SNTG1: variants seen among roughly 807,000 people sequenced by gnomAD.
SNTG1 encodes the protein syntrophin gamma 1, also known as gamma-1-syntrophin.
SNTG1 carries 39 observed loss-of-function variants against 74.7 expected under a neutral mutation model. That is an observed-to-expected ratio of 0.52 (90% confidence interval 0.40 to 0.68). The LOEUF is 0.68. Ranked by LOEUF, SNTG1 falls within the 30% of genes least tolerant of loss-of-function variation. The probability of loss-of-function intolerance (pLI) is 0.00; values close to 1 mark genes in which losing one functional copy is unlikely to be tolerated. For missense variants in SNTG1, 685 were observed against 609.5 expected (o/e 1.12, Z -1.30); for synonymous variants, 254 against 217.1 (o/e 1.17, Z -1.49).
At chr8:50,718,635 C>A (rs897898019) in intron 17 of SNTG1, among the ~76,000 whole-genome samples, 4 of 152,222 alleles carry the variant, frequency 2.6e-5, no homozygotes, top group East Asian at 1.9e-4. Flanking sequence ...CTATTTTAGT[C>A]TCTGTATTGG....
chr8:50,402,871 T>C (rs1374687764), intron 4 of SNTG1, among the ~76,000 whole-genome samples: 1 of 152,164 alleles, frequency 6.6e-6, no homozygotes, highest in African/African-American at 2.4e-5. Flanking sequence ...AATTCTTTTC[T>C]CCAATGCTCC....
intron 12 of SNTG1, among the ~76,000 whole-genome samples, chr8:50,572,763 TGTC>T (rs1563594707): frequency 6.6e-6 from 1 of 152,160 alleles, no homozygotes; most frequent in East Asian, 1.9e-4. Flanking sequence ...CTTACACTAA[TGTC>T]GTTATTTGTC....
chr8:50,738,165 G>T lies in SNTG1; in HGVS notation c.1285-13836G>T, dbSNP rs528084359. On this transcript the variant is annotated intron_variant, in intron 17 of 18. Coordinates refer to ENST00000642720, the MANE Select transcript of SNTG1 (RefSeq NM_018967.5). ...GATTATATGTTTAGAAAACCCCATC[G>T]TCTCAGACCAATATCTCCTTAAGCT... 2.0e-5 allele frequency among the ~76,000 whole-genome samples: 3 copies of T among 152,150 alleles called. No homozygotes were observed. In the East Asian group the frequency reaches 5.8e-4, roughly 29 times the overall value.
At chr8:50,461,968 C>G (rs1358049170) in intron 8 of SNTG1, among the ~76,000 whole-genome samples, 1 of 152,036 alleles carries the variant, frequency 6.6e-6, no homozygotes, top group Admixed American at 6.6e-5. Context: ...TGTTCATATA[C>G]ACATAGAGGC....
intron 1 of SNTG1, among the ~76,000 whole-genome samples, chr8:50,162,210 T>C (rs1395817302): frequency 1.3e-5 from 2 of 152,036 alleles, no homozygotes; most frequent in Non-Finnish European, 2.9e-5. Flanking sequence ...AGGAAAATAG[T>C]GTCACAAAGC....
In SNTG1 at chr8:50,704,743, A is replaced by G. The variant is rs1181169395; in HGVS notation, c.1182A>G (p.Glu394=). 6.2e-7 allele frequency: 1 copy of G among 1,614,060 alleles called. No homozygotes were observed. Among genetic ancestry groups the G allele is most frequent in the Non-Finnish European group, 8.5e-7 (1 of 1,179,990 alleles). The change falls in exon 16 of 19, where the codon GAA becomes GAG. Residue 394 remains glutamate (E), a synonymous_variant. Transcript: ENST00000642720. ...AFQTATFLEV[E]RIQCKTYACV... is the part of the protein sequence containing the mutation. The stretch of plus-strand genomic sequence containing the variant: ...AGACAGCAACCTTTCTAGAAGTAGA[A>G]CGGATACAGGTGAGAGTCTGTGGGA...
chr8:50,078,044 T>A (rs1186830623), intron 1 of SNTG1, among the ~76,000 whole-genome samples: 1 of 152,168 alleles, frequency 6.6e-6, no homozygotes, highest in Admixed American at 6.6e-5. Context: ...TAAGGGACTT[T>A]CCCAATTTAA....
At chr8:50,779,835 G>T (rs2095653367) in intron 18 of SNTG1, among the ~76,000 whole-genome samples, 1 of 152,012 alleles carries the variant, frequency 6.6e-6, no homozygotes, top group Admixed American at 6.6e-5. Context: ...TATTGGCTGT[G>T]GGTTTGTCAC....
At chr8:50,590,802 A>G (rs549092318) in intron 12 of SNTG1, 77 bp from the exon 13 acceptor site, 28 of 902,298 alleles carry the variant, frequency 3.1e-5, no homozygotes, top group African/African-American at 8.6e-5. Flanking sequence ...CACTAAAAAT[A>G]ATCTGCATAA....
At chr8:50,384,383 A>G (rs1220856981) in intron 2 of SNTG1, among the ~76,000 whole-genome samples, 1 of 152,222 alleles carries the variant, frequency 6.6e-6, no homozygotes, top group African/African-American at 2.4e-5. Flanking sequence ...CATTCTGTAA[A>G]TCCACAAATG....
chr8:50,357,045 G>A (rs904178485), intron 2 of SNTG1, among the ~76,000 whole-genome samples: 4 of 152,306 alleles, frequency 2.6e-5, no homozygotes, highest in Non-Finnish European at 5.9e-5. Context: ...CTTAGCACAT[G>A]AACTTTTTTT....
intron 2 of SNTG1, among the ~76,000 whole-genome samples, chr8:50,196,566 C>A (rs1427149135): frequency 6.6e-6 from 1 of 152,066 alleles, no homozygotes; most frequent in East Asian, 1.9e-4. Context: ...TTTTTAATTT[C>A]ATTCTATGTA....
At chr8:50,577,794 A>G (rs891889701) in intron 12 of SNTG1, among the ~76,000 whole-genome samples, 4 of 152,192 alleles carry the variant, frequency 2.6e-5, no homozygotes, top group African/African-American at 9.6e-5. Context: ...AATCATTGAC[A>G]AAGTAGAAAA....
chr8:50,687,045 G>A (rs898572058), intron 15 of SNTG1, among the ~76,000 whole-genome samples: 1 of 151,164 alleles, frequency 6.6e-6, no homozygotes, highest in African/African-American at 2.4e-5. Flanking sequence ...TGAGGCAGGA[G>A]AATGGCGTGA....
At chr8:50,619,718 G>A (rs111238888) in intron 13 of SNTG1, among the ~76,000 whole-genome samples, 6,398 of 141,486 alleles carry the variant, frequency 0.045, 256 homozygotes, top group African/African-American at 0.1. Flanking sequence ...GCGACAGAGC[G>A]AGACTCCGTC....
In SNTG1 at chr8:49,999,324, T is replaced by C. The variant is rs200734508; in HGVS notation, c.-103+87093T>C. On this transcript the variant is annotated intron_variant, in intron 1 of 18. Coordinates refer to ENST00000642720, the MANE Select transcript of SNTG1 (RefSeq NM_018967.5). ...ACATCATTAAGAGTGTAGCAGCTCATTGTCTCACTGCCTCTCTGCTGCAAT... is the reference window on the plus strand; with the variant it reads ...ACATCATTAAGAGTGTAGCAGCTCACTGTCTCACTGCCTCTCTGCTGCAAT... 3.9e-5 allele frequency among the ~76,000 whole-genome samples: 6 copies of C among 152,274 alleles called. No individual in the cohort carries two copies. The East Asian group carries it at 7.7e-4, about 20-fold the overall frequency.
chr8:50,362,580 C>A (rs1477077530), intron 2 of SNTG1, among the ~76,000 whole-genome samples: 1 of 151,610 alleles, frequency 6.6e-6, no homozygotes. Flanking sequence ...GATGAGCAAA[C>A]TAAATCCCTT....
intron 2 of SNTG1, among the ~76,000 whole-genome samples, chr8:50,201,035 A>C (rs745969796): frequency 7.9e-5 from 12 of 152,132 alleles, no homozygotes; most frequent in Non-Finnish European, 1.6e-4. Context: ...TAAGCATTAA[A>C]ACTTTCTCTA....
chr8:50,109,831 G>T (rs2080513591), intron 1 of SNTG1, among the ~76,000 whole-genome samples: 1 of 152,182 alleles, frequency 6.6e-6, no homozygotes, highest in African/African-American at 2.4e-5. Flanking sequence ...GAAAGCCAGT[G>T]TGCCGGCAAC....
Sources: allele counts gnomAD v4.1 joint callset (sites outside exome capture counted in the v4.1 genomes callset), GRCh38; gene constraint gnomAD v4.1.1; transcripts MANE v1.5; gene names NCBI Gene and HGNC (gene_info 2026-07-23, HGNC 2026-07-21).